The following SLC39A5 variants were observed in gnomAD, a reference collection of about 807,000 sequenced individuals.
The protein encoded by SLC39A5 is solute carrier family 39 member 5.
In SLC39A5, 42 loss-of-function variants were observed where a neutral mutation model predicts 46.9. That is an observed-to-expected ratio of 0.90 (90% CI 0.70 to 1.16). The LOEUF (loss-of-function observed/expected upper bound fraction) is 1.16, where lower values mean the gene tolerates loss of function less well. SLC39A5 is among the 50% of genes most tolerant of loss of function. SLC39A5 has a pLI of 0.00. For missense variants in SLC39A5, 677 were observed against 686.8 expected, an observed-to-expected ratio of 0.99 and a Z score of 0.16; for synonymous variants, 311 against 323.1, an observed-to-expected ratio of 0.96 and a Z score of 0.40.
In SLC39A5 at chr12:56,231,432, T is replaced by C. The variant is rs754188475; in HGVS notation, c.158T>C (p.Leu53Pro). 2 of 1,614,004 alleles carry C rather than the reference T, an allele frequency of 1.2e-6. No individual in the cohort carries two copies. Among genetic ancestry groups the C allele is most frequent in the Non-Finnish European group, 1.7e-6 (2 of 1,180,018 alleles). Residue 53 changes from leucine to proline, a missense_variant, in exon 4 of 13, where the codon CTG becomes CCG. Leu to Pro is a moderately conservative substitution (Grantham distance 98, BLOSUM62 -3). Transcript: ENST00000454355. ...GGCCTGTACGGCGAGAATGGGACGC[T>C]GACTGCAGGGGGCTTGGCGCGGCTT... ...LFGLYGENGTLTAGGLARLLH... is the reference protein window; with the variant it reads ...LFGLYGENGTPTAGGLARLLH...
intron 5 of SLC39A5, among the ~76,000 whole-genome samples, chr12:56,234,037 T>C (rs528274109): frequency 1.2e-4 from 18 of 152,182 alleles, no homozygotes; most frequent in African/African-American, 4.3e-4. Context: ...ATAATACACA[T>C]TGATTATAAG....
At position 56,236,633 on chromosome 12, in the gene SLC39A5, T is replaced by C; in HGVS notation, c.1094T>C (p.Leu365Pro). 1 of 1,613,506 alleles carries C rather than the reference T, an allele frequency of 6.2e-7. No individual in the cohort carries two copies. Among genetic ancestry groups the C allele is most frequent in the Non-Finnish European group, 8.5e-7 (1 of 1,179,558 alleles). Residue 365 changes from leucine to proline, a missense_variant, in exon 10 of 13, where the codon CTG (leucine) becomes CCG (proline). Leu to Pro is a moderately conservative substitution (Grantham distance 98, BLOSUM62 -3). Coordinates refer to ENST00000454355, the MANE Select transcript of SLC39A5 (RefSeq NM_173596.3). ...REKNSQHPPA[L>P]APPGHQGHSH... Reference sequence around the variant, plus strand: ...AAGAACAGCCAGCACCCACCAGCTCTGGCCCCTCCTGGGCACCAAGGCCAC... The same window carrying C: ...AAGAACAGCCAGCACCCACCAGCTCCGGCCCCTCCTGGGCACCAAGGCCAC...
At chr12:56,235,100 T>C in intron 6 of SLC39A5, 57 bp from the exon 7 acceptor site, 1 of 1,561,104 alleles carries the variant, frequency 6.4e-7, no homozygotes, top group Non-Finnish European at 8.7e-7. Flanking sequence ...CTGCTCCACC[T>C]TACGTGTGGG....
rs1301016739 is a variant in SLC39A5 at position 56,233,171 on chromosome 12, G to T, written c.471+299G>T. Among the ~76,000 whole-genome samples, 4 of 144,358 alleles carry T rather than the reference G, an allele frequency of 2.8e-5. No homozygotes were observed. In the East Asian group the frequency reaches 8.6e-4, roughly 31 times the overall value. 94.7% of individuals were successfully genotyped at this position (144,358 alleles called of 152,430 possible). A position where few individuals can be genotyped will look rare whatever the true frequency, so the allele number is the denominator to read the frequency against. ...CTAGCTACTCAGGAGGCTGAGGTGA[G>T]AAAATTGCTTGAACTTGGGAGGCAG... On this transcript the variant is annotated intron_variant, in intron 5 of 12. Coordinates refer to ENST00000454355, the MANE Select transcript of SLC39A5 (RefSeq NM_173596.3).
At chr12:56,232,385 C>T (rs372754436) in intron 4 of SLC39A5, among the ~76,000 whole-genome samples, 4 of 151,924 alleles carry the variant, frequency 2.6e-5, no homozygotes, top group South Asian at 2.1e-4. Context: ...AGGCTGGTCT[C>T]GAACTTCCAA....
chr12:56,235,577 C>A lies in SLC39A5; in HGVS notation c.822C>A (p.His274Gln), dbSNP rs199552441. The change falls in exon 8 of 13, where the codon CAC (histidine) becomes CAA (glutamine). Residue 274 changes from histidine to glutamine, a missense_variant. By Grantham distance (24) the His-to-Gln change is conservative. Coordinates refer to ENST00000454355, the MANE Select transcript of SLC39A5 (RefSeq NM_173596.3). ...TCTGTCAGGCACAAGAAGGGCGGCACGCAGGACCTGGCGGACTACCAGAGA... is the reference window on the plus strand; with the variant it reads ...TCTGTCAGGCACAAGAAGGGCGGCAAGCAGGACCTGGCGGACTACCAGAGA... ...HLLPHAQEGR[H>Q]AGPGGLPEKD... 7.4e-6 allele frequency: 12 copies of A among 1,614,060 alleles called. No individual in the cohort carries two copies. Among genetic ancestry groups the A allele is most frequent in the Non-Finnish European group, 1.0e-5 (12 of 1,180,004 alleles).
Position 56,235,517 on chromosome 12 carries a change from G to GTAT in SLC39A5, c.805-42_805-40dup. On this transcript the variant is annotated intron_variant, in intron 7 of 12. Transcript: ENST00000454355. ...AATCCATGCAAGGGGATGTTGTTGGGTATAGGGGCTTCCAGAGTCTGCCCT... is the reference window on the plus strand; with the variant it reads ...AATCCATGCAAGGGGATGTTGTTGGGTATTATAGGGGCTTCCAGAGTCTGCCCT... 3.1e-6 allele frequency: 5 copies of GTAT among 1,603,434 alleles called. No individual in the cohort carries two copies. The South Asian group carries it at 4.4e-5, about 14-fold the overall frequency.
chr12:56,234,962 G>A lies in SLC39A5; in HGVS notation c.610G>A (p.Ala204Thr), dbSNP rs768045985. 6.2e-6 allele frequency: 10 copies of A among 1,613,274 alleles called. No homozygotes were observed. The South Asian group carries it at 1.1e-4, about 18-fold the overall frequency. ...CGTCTGCATCGGCGCTCCGGCCCCT[G>A]CACCCCCAGGGGATCTACTATCTGG... ...SRVCIGAPAPAPPGDLLSALL... is the reference protein window; with the variant it reads ...SRVCIGAPAPTPPGDLLSALL... The change falls in exon 6 of 13, where the codon GCA (alanine) becomes ACA (threonine). Residue 204 changes from alanine (A) to threonine (T), a missense_variant. Ala to Thr is a moderately conservative substitution (Grantham distance 58). Transcript: ENST00000454355.
intron 7 of SLC39A5, 69 bp downstream of exon 7, chr12:56,235,395 C>T (rs983663996): frequency 2.7e-6 from 4 of 1,504,732 alleles, no homozygotes; most frequent in Non-Finnish European, 3.5e-6. Context: ...ATAGGACATC[C>T]CCTCCGCCTT....
At chr12:56,235,372 G>C (rs200723120) in intron 7 of SLC39A5, 46 bp downstream of exon 7, 1 of 1,507,448 alleles carries the variant, frequency 6.6e-7, no homozygotes, top group African/African-American at 1.4e-5. Flanking sequence ...ATGGATCTAA[G>C]GTGTCCCCAG....
intron 5 of SLC39A5, 57 bp from the exon 6 acceptor site, chr12:56,234,766 TA>T: frequency 6.3e-7 from 1 of 1,594,090 alleles, no homozygotes; most frequent in Non-Finnish European, 8.6e-7. Flanking sequence ...GGCCAGGTGT[TA>T]AAGATCTGAG....
chr12:56,236,655 C>T lies in SLC39A5; in HGVS notation c.1116C>T (p.Gly372=), dbSNP rs373108008. 93 of 1,613,808 alleles carry T rather than the reference C, an allele frequency of 5.8e-5. No homozygotes were observed. The African/African-American group carries it at 1.2e-3, about 21-fold the overall frequency. The change falls in exon 10 of 13, where the codon GGC becomes GGT. Residue 372 remains glycine, a synonymous_variant. Coordinates refer to ENST00000454355, the MANE Select transcript of SLC39A5 (RefSeq NM_173596.3). ...CTCTGGCCCCTCCTGGGCACCAAGG[C>T]CACAGTCATGGGCACCAGGGTGGCA... ...PPALAPPGHQ[G]HSHGHQGGTD...
intron 5 of SLC39A5, 51 bp downstream of exon 5, chr12:56,232,923 GA>G (rs1565598700): frequency 7.2e-6 from 11 of 1,520,358 alleles, no homozygotes; most frequent in Non-Finnish European, 9.8e-6. Flanking sequence ...TAGATGGCCT[GA>G]AATGTTTAAA....
In SLC39A5 at chr12:56,231,510, G is replaced by A. The variant is rs747889348; in HGVS notation, c.236G>A (p.Gly79Glu). 14 of 1,600,644 alleles carry A rather than the reference G, an allele frequency of 8.7e-6. No homozygotes were observed. The Admixed American group carries it at 1.4e-4, about 16-fold the overall frequency. ...CAGGGGCTTCGCCTGGGACAGCATG[G>A]GCCTCTGACTGGACGGGCTGCATCC... ...RVQGLRLGQH[G>E]PLTGRAASPA... Residue 79 changes from glycine (G) to glutamate (E), a missense_variant, in exon 4 of 13, where the codon GGG (glycine) becomes GAG (glutamate). Physicochemically the swap from Gly to Glu is moderately conservative, Grantham distance 98. Coordinates refer to ENST00000454355, the MANE Select transcript of SLC39A5 (RefSeq NM_173596.3).
In SLC39A5 at chr12:56,237,339, T is replaced by A; in HGVS notation, c.1478T>A (p.Met493Lys). 6 of 1,584,730 alleles carry A rather than the reference T, an allele frequency of 3.8e-6. No individual in the cohort carries two copies. Among genetic ancestry groups the A allele is most frequent in the Non-Finnish European group, 5.2e-6 (6 of 1,164,432 alleles). Reference protein sequence around the residue: ...GVFLYVALVDMLPALLRPPEP... With the variant: ...GVFLYVALVDKLPALLRPPEP... ...TTCCTCTATGTGGCCCTTGTGGACATGGTGAGAGATGTCGGGTAGAGCAGA... is the reference window on the plus strand; with the variant it reads ...TTCCTCTATGTGGCCCTTGTGGACAAGGTGAGAGATGTCGGGTAGAGCAGA... Residue 493 changes from methionine to lysine, a missense_variant and splice_region_variant, in exon 12 of 13, where the codon ATG becomes AAG. Coordinates refer to ENST00000454355, the MANE Select transcript of SLC39A5 (RefSeq NM_173596.3).
At chr12:56,236,348 C>T (rs749906035) in intron 8 of SLC39A5, 48 bp from the exon 9 acceptor site, 16 of 1,573,938 alleles carry the variant, frequency 1.0e-5, no homozygotes, top group Admixed American at 1.7e-5. Context: ...CCCCTTAGTC[C>T]CTGGCTCTGC....
chr12:56,235,043 CA>C, intron 6 of SLC39A5, 57 bp downstream of exon 6: 1 of 1,601,364 alleles, frequency 6.2e-7, no homozygotes. Context: ...GGGCCCATGC[CA>C]AAAAGGAGGC....
Position 56,237,267 on chromosome 12 carries a change from G to T in SLC39A5, c.1406G>T (p.Gly469Val). Residue 469 changes from glycine to valine, a missense_variant, in exon 12 of 13, where the codon GGC becomes GTC. Physicochemically the swap from Gly to Val is moderately radical, Grantham distance 109 (BLOSUM62 -3). Transcript: ENST00000454355. The part of the protein sequence containing the change: ...GAVLGVGLSL[G>V]PVPLTPWVFG... ...GTCCTGGGGGTGGGGCTCAGCCTGG[G>T]CCCTGTCCCCCTCACTCCCTGGGTG... is the stretch of plus-strand genomic sequence containing the variant. 1 of 1,613,834 alleles carries T rather than the reference G, an allele frequency of 6.2e-7. No individual in the cohort carries two copies. The highest frequency in any genetic ancestry group is 8.5e-7 in the Non-Finnish European group (1 of 1,179,898).
At chr12:56,232,931 T>C in intron 5 of SLC39A5, 59 bp downstream of exon 5, 1 of 1,504,980 alleles carries the variant, frequency 6.6e-7, no homozygotes, top group South Asian at 1.2e-5. Flanking sequence ...CTGAAATGTT[T>C]AAATAATCAG....
Sources: allele counts gnomAD v4.1 joint callset (sites outside exome capture counted in the v4.1 genomes callset), GRCh38; gene constraint gnomAD v4.1.1; transcripts MANE v1.5; gene names NCBI Gene and HGNC (gene_info 2026-07-23, HGNC 2026-07-21).